Variants in MAMLD1 observed in about 807,000 individuals in gnomAD.
The protein encoded by MAMLD1 is mastermind-like domain-containing protein 1.
A neutral mutation model predicts 45.0 loss-of-function variants in MAMLD1; 14 were observed. The ratio of observed to expected loss-of-function variants is 0.31; its 90% CI spans 0.21 to 0.49. MAMLD1 has a LOEUF of 0.49. MAMLD1 is among the 20% of genes least tolerant of loss of function. MAMLD1 has a pLI of 0.99. For synonymous variants in MAMLD1, 254 were observed against 247.8 expected (o/e 1.02, Z -0.24); for missense variants, 543 against 603.6 (o/e 0.90, Z 1.05).
At chrX:150,392,117 C>T (rs2033204005) in intron 1 of MAMLD1, among the ~76,000 whole-genome samples, 1 of 112,109 alleles carries the variant, frequency 8.9e-6, no homozygotes, top group East Asian at 2.8e-4. Context: ...ATCCATATTG[C>T]CTTTTTGCTG....
At chrX:150,463,320 T>G (rs782384329) in intron 3 of MAMLD1, among the ~76,000 whole-genome samples, 1 of 111,985 alleles carries the variant, frequency 8.9e-6, no homozygotes, top group Non-Finnish European at 1.9e-5. Context: ...TGGGGAAGAC[T>G]GGGTGAGGAT....
chrX:150,396,514 T>C (rs1212795524), intron 1 of MAMLD1, among the ~76,000 whole-genome samples: 2 of 111,492 alleles, frequency 1.8e-5, no homozygotes, highest in African/African-American at 6.5e-5. Flanking sequence ...TCTTGATCTC[T>C]AGTTTAATTC....
Position 150,513,736 on chromosome X carries a change from A to G in MAMLD1, c.*1777A>G, listed in dbSNP as rs1204432012. The stretch of plus-strand genomic sequence containing the variant: ...CCAGATTTGGGAGAGGCGCAGAGAC[A>G]GTGTGTGAGCCGAGCCCTGTCTCAG... On this transcript the variant is annotated 3_prime_UTR_variant, in exon 8 of 8. Transcript: ENST00000370401. 3.4e-6 allele frequency: 1 copy of G among 295,570 alleles called. No individual in the cohort carries two copies. Among genetic ancestry groups the G allele is most frequent in the East Asian group, 4.8e-5 (1 of 21,002 alleles). The allele number at this position is 295,570 out of a possible 1,213,427, so 24.4% of individuals were successfully genotyped here. A position where few individuals can be genotyped will look rare whatever the true frequency, so the allele number is the denominator to read the frequency against.
At chrX:150,377,816 C>G (rs1213023047) in intron 1 of MAMLD1, among the ~76,000 whole-genome samples, 1 of 70,573 alleles carries the variant, frequency 1.4e-5, no homozygotes, top group East Asian at 4.3e-4. Context: ...ATCTACCACC[C>G]CCTCACACAC....
rs1557402826 is a variant in MAMLD1, at chrX:150,411,377, C to G, written c.-63-34077C>G. On this transcript the variant is annotated intron_variant, in intron 1 of 7. Coordinates refer to ENST00000370401, the MANE Select transcript of MAMLD1 (RefSeq NM_005491.5). ...TCCAATTACACCAGCCCCTGTCCCCCACAAGTTTGCCAGCACTGATGGCCC... is the reference window on the plus strand; with the variant it reads ...TCCAATTACACCAGCCCCTGTCCCCGACAAGTTTGCCAGCACTGATGGCCC... Among the ~76,000 whole-genome samples the G allele has an allele frequency of 3.0e-3, 332 of 112,142 alleles. 3 individuals carry two copies. The highest frequency in any genetic ancestry group is 0.01 in the African/African-American group (314 of 30,987).
intron 1 of MAMLD1, among the ~76,000 whole-genome samples, chrX:150,379,732 T>A (rs1569564408): frequency 8.9e-6 from 1 of 112,125 alleles, no homozygotes; most frequent in African/African-American, 3.2e-5. Flanking sequence ...TTTGCACAAA[T>A]GAACAGATAT....
chrX:150,375,856 C>T (rs12559488), intron 1 of MAMLD1, among the ~76,000 whole-genome samples: 2,615 of 111,848 alleles, frequency 0.023, 35 homozygotes, highest in Non-Finnish European at 0.036. Flanking sequence ...AATTTTAGGT[C>T]CATCACGTCA....
At chrX:150,370,681 C>T (rs1394960155) in intron 1 of MAMLD1, among the ~76,000 whole-genome samples, 31 of 111,757 alleles carry the variant, frequency 2.8e-4, no homozygotes. Flanking sequence ...ACCTTATTTC[C>T]CTGCCTCCAC....
intron 1 of MAMLD1, among the ~76,000 whole-genome samples, chrX:150,413,271 T>G (rs1379428997): frequency 1.8e-5 from 2 of 111,344 alleles, no homozygotes; most frequent in African/African-American, 6.5e-5. Context: ...TTCCACAGTA[T>G]TTCTTGAATC....
intron 1 of MAMLD1, among the ~76,000 whole-genome samples, chrX:150,416,476 G>A (rs1325776194): frequency 8.9e-6 from 1 of 112,205 alleles, no homozygotes; most frequent in Non-Finnish European, 1.9e-5. Flanking sequence ...GCCAAAAGCT[G>A]GCTGGCTGCA....
At chrX:150,456,917 C>T (rs1158114347) in intron 2 of MAMLD1, among the ~76,000 whole-genome samples, 2 of 112,407 alleles carry the variant, frequency 1.8e-5, no homozygotes, top group Non-Finnish European at 3.8e-5. Context: ...GTTTCTTGCC[C>T]GAGGCAAATG....
intron 6 of MAMLD1, chrX:150,504,495 TTC>T: frequency 6.4e-5 from 42 of 652,794 alleles, no homozygotes; most frequent in South Asian, 1.6e-4. Flanking sequence ...GGCTATTGAT[TTC>T]TCTCTCTCTC....
intron 6 of MAMLD1, chrX:150,504,145 C>T: frequency 1.3e-6 from 1 of 753,416 alleles, no homozygotes; most frequent in Non-Finnish European, 1.6e-6. Context: ...TGGGATCATC[C>T]TCTAGATTCT....
chrX:150,378,282 G>A (rs1557401524), intron 1 of MAMLD1, among the ~76,000 whole-genome samples: 1 of 111,855 alleles, frequency 8.9e-6, no homozygotes, highest in Admixed American at 9.5e-5. Flanking sequence ...TGTACTATTG[G>A]CAGAAATACC....
intron 5 of MAMLD1, among the ~76,000 whole-genome samples, chrX:150,494,887 T>A (rs868931197): frequency 3.9e-5 from 3 of 77,746 alleles, no homozygotes; most frequent in Admixed American, 1.3e-4. Flanking sequence ...CCTGCCTCAA[T>A]ACAAAACAAA....
intron 3 of MAMLD1, among the ~76,000 whole-genome samples, 186 bp downstream of exon 3, chrX:150,463,032 C>T (rs961219766): frequency 8.9e-6 from 1 of 112,284 alleles, no homozygotes; most frequent in African/African-American, 3.2e-5. Flanking sequence ...CCTCCAACCT[C>T]GGTTCTGCCT....
intron 1 of MAMLD1, among the ~76,000 whole-genome samples, chrX:150,388,164 C>T (rs781798078): frequency 4.5e-5 from 5 of 111,601 alleles, no homozygotes; most frequent in Non-Finnish European, 7.5e-5. Context: ...ATTTCCTTTT[C>T]AAGAGTGTTT....
intron 5 of MAMLD1, among the ~76,000 whole-genome samples, chrX:150,499,922 T>C (rs1340508126): frequency 8.9e-6 from 1 of 111,804 alleles, no homozygotes; most frequent in African/African-American, 3.3e-5. Flanking sequence ...AAAGGCTCAG[T>C]TTATCATTGG....
rs782075177 is a variant in MAMLD1, at chrX:150,512,761, C to T, written c.*802C>T. ...CAAGCTATGTGGCTGCTGCTGCCACCGCTGCTGCTGCTTCTGCCGTTGCTG... is the reference window on the plus strand; with the variant it reads ...CAAGCTATGTGGCTGCTGCTGCCACTGCTGCTGCTGCTTCTGCCGTTGCTG... On this transcript the variant is annotated 3_prime_UTR_variant, in exon 8 of 8. Transcript: ENST00000370401. 1.1e-4 allele frequency: 129 copies of T among 1,153,080 alleles called. 1 individual carries two copies. The highest frequency in any genetic ancestry group is 4.8e-4 in the South Asian group (25 of 52,516).
Sources: allele counts gnomAD v4.1 joint callset (sites outside exome capture counted in the v4.1 genomes callset), GRCh38; gene constraint gnomAD v4.1.1; transcripts MANE v1.5; gene names NCBI Gene and HGNC (gene_info 2026-07-23, HGNC 2026-07-21).